Variants in GREM2 observed in about 807,000 individuals in gnomAD.
The protein encoded by GREM2 is gremlin 2, DAN family BMP antagonist.
Under a neutral mutation model 14.2 loss-of-function variants are expected in GREM2, and 11 were observed. The ratio of observed to expected loss-of-function variants is 0.78; its 90% CI spans 0.49 to 1.28. GREM2 has a LOEUF of 1.28. Ranked by LOEUF, GREM2 falls within the 50% of genes most tolerant of loss-of-function variation. The pLI is 0.00. For synonymous variants in GREM2, 98 were observed against 97.6 expected (o/e 1.00, Z -0.02); for missense variants, 210 against 218.5 (o/e 0.96, Z 0.24).
intron 1 of GREM2, among the ~76,000 whole-genome samples, chr1:240,551,043 A>G (rs1303860827): frequency 1.3e-5 from 2 of 152,212 alleles, no homozygotes; most frequent in Non-Finnish European, 2.9e-5. Context: ...TGGGCTAAAT[A>G]TCTCTGGATG....
At chr1:240,552,983 G>A (rs764674991) in intron 1 of GREM2, among the ~76,000 whole-genome samples, 2 of 152,052 alleles carry the variant, frequency 1.3e-5, no homozygotes, top group Non-Finnish European at 2.9e-5. Flanking sequence ...CTTGCCTGAA[G>A]TACCAGGAAA....
At chr1:240,584,494 C>CAAAA (rs35785335) in intron 1 of GREM2, among the ~76,000 whole-genome samples, 1 of 73,822 alleles carries the variant, frequency 1.4e-5, no homozygotes, top group African/African-American at 4.2e-5. Context: ...GACTCCATCT[C>CAAAA]AAAAAAAAAA....
At chr1:240,554,921 A>T (rs1678925771) in intron 1 of GREM2, among the ~76,000 whole-genome samples, 1 of 152,078 alleles carries the variant, frequency 6.6e-6, no homozygotes, top group South Asian at 2.1e-4. Flanking sequence ...AGGCGGGAGG[A>T]TCACCTGAGC....
chr1:240,502,201 C>A (rs1023507769), intron 1 of GREM2, among the ~76,000 whole-genome samples: 2 of 152,084 alleles, frequency 1.3e-5, no homozygotes, highest in Admixed American at 6.5e-5. Flanking sequence ...TGAACAAAAT[C>A]AAAAATATCC....
At chr1:240,580,236 GA>G (rs1331429118) in intron 1 of GREM2, among the ~76,000 whole-genome samples, 4 of 152,014 alleles carry the variant, frequency 2.6e-5, no homozygotes, top group Non-Finnish European at 4.4e-5. Flanking sequence ...ATTTAAATAA[GA>G]AATTTAAATA....
chr1:240,600,609 G>A (rs1221379419), intron 1 of GREM2, among the ~76,000 whole-genome samples: 2 of 152,042 alleles, frequency 1.3e-5, no homozygotes, highest in Non-Finnish European at 2.9e-5. Context: ...TCAGCCTCCT[G>A]AGTAGCTGGG....
chr1:240,591,649 T>C (rs1403197225), intron 1 of GREM2, among the ~76,000 whole-genome samples: 2 of 152,180 alleles, frequency 1.3e-5, no homozygotes, highest in Non-Finnish European at 2.9e-5. Context: ...CCTAATGATC[T>C]GGAAATGGAT....
At chr1:240,553,004 A>G (rs1190846193) in intron 1 of GREM2, among the ~76,000 whole-genome samples, 1 of 152,184 alleles carries the variant, frequency 6.6e-6, no homozygotes, top group East Asian at 1.9e-4. Flanking sequence ...ATATCTTTTT[A>G]AGAAAGGAAT....
At chr1:240,566,207 G>A (rs376149106) in intron 1 of GREM2, among the ~76,000 whole-genome samples, 1 of 152,142 alleles carries the variant, frequency 6.6e-6, no homozygotes, top group African/African-American at 2.4e-5. Flanking sequence ...ATTAAATTGA[G>A]GACTTCTGTT....
At chr1:240,586,323 A>G (rs1679598696) in intron 1 of GREM2, among the ~76,000 whole-genome samples, 1 of 152,198 alleles carries the variant, frequency 6.6e-6, no homozygotes, top group Non-Finnish European at 1.5e-5. Context: ...TATTCCAGGT[A>G]ATTAATCTAA....
intron 1 of GREM2, among the ~76,000 whole-genome samples, chr1:240,582,045 G>A (rs1429980660): frequency 2.6e-5 from 4 of 152,214 alleles, no homozygotes; most frequent in Non-Finnish European, 4.4e-5. Flanking sequence ...GAAGTCTGGG[G>A]TGGCAGCTGA....
intron 1 of GREM2, among the ~76,000 whole-genome samples, chr1:240,577,142 G>A (rs779054710): frequency 6.6e-6 from 1 of 152,120 alleles, no homozygotes; most frequent in Non-Finnish European, 1.5e-5. Context: ...TGCAAAGCAA[G>A]GATCTTTTCT....
rs1677226982 is a variant in GREM2 at position 240,490,695 on chromosome 1, T to G, written c.*2274A>C. On this transcript the variant is annotated 3_prime_UTR_variant, in exon 2 of 2. Transcript: ENST00000318160. The stretch of plus-strand genomic sequence containing the variant: ...CAGCATATCATATTGCTTTCATTGC[T>G]ACACCCACAATTGGGTTCGAAGAGA... The G allele has an allele frequency of 6.6e-6, 1 of 152,384 alleles. No homozygotes were observed. The highest frequency in any genetic ancestry group is 6.5e-5 in the Admixed American group (1 of 15,288). 9.4% of individuals were successfully genotyped at this position (152,384 alleles called of 1,614,324 possible).
chr1:240,507,450 C>T (rs1677703388), intron 1 of GREM2, among the ~76,000 whole-genome samples: 1 of 152,172 alleles, frequency 6.6e-6, no homozygotes, highest in African/African-American at 2.4e-5. Flanking sequence ...CCTGCCTCAG[C>T]CTCCCAAAAG....
chr1:240,525,556 G>A (rs1678201523), intron 1 of GREM2, among the ~76,000 whole-genome samples: 3 of 151,850 alleles, frequency 2.0e-5, no homozygotes, highest in Non-Finnish European at 4.4e-5. Context: ...TTGTCTCACT[G>A]CAACCTCCGC....
chr1:240,557,190 A>C (rs1404498112), intron 1 of GREM2, among the ~76,000 whole-genome samples: 1 of 151,574 alleles, frequency 6.6e-6, no homozygotes, highest in African/African-American at 2.4e-5. Context: ...ACATAAAATA[A>C]ATATAAAAAT....
intron 1 of GREM2, among the ~76,000 whole-genome samples, chr1:240,558,649 C>A (rs192833862): frequency 2.6e-5 from 4 of 152,116 alleles, no homozygotes; most frequent in Admixed American, 2.6e-4. Flanking sequence ...CTTCCCTGGA[C>A]GCCCTGTGAT....
rs536298834 is a variant in GREM2, at chr1:240,598,998, G to A, written c.-2+12886C>T. On this transcript the variant is annotated intron_variant, in intron 1 of 1. Coordinates refer to ENST00000318160, the MANE Select transcript of GREM2 (RefSeq NM_022469.4). ...AATAAAGAGTAAGTGGTCGGGTGTG[G>A]TGGCTCATGCCTGTAATCTCAGCAT... is the stretch of plus-strand genomic sequence containing the variant. Among the ~76,000 whole-genome samples the A allele has an allele frequency of 3.9e-5, 6 of 152,202 alleles. No individual in the cohort carries two copies. In the South Asian group the frequency reaches 1.2e-3, roughly 32 times the overall value.
intron 1 of GREM2, among the ~76,000 whole-genome samples, chr1:240,539,671 G>A (rs1678545235): frequency 6.6e-6 from 1 of 152,146 alleles, no homozygotes; most frequent in Non-Finnish European, 1.5e-5. Flanking sequence ...AAATGACTTG[G>A]AGCTAATAGT....
Sources: gnomAD v4.1 joint callset for allele counts (sites outside exome capture counted in the v4.1 genomes callset) on GRCh38, gnomAD v4.1.1 for gene constraint, MANE v1.5 for transcripts, NCBI Gene and HGNC (gene_info 2026-07-23, HGNC 2026-07-21) for gene names.